Variants in AGMO observed in about 807,000 individuals in gnomAD.
AGMO encodes glyceryl-ether monooxygenase.
In AGMO, 75 loss-of-function variants were observed where a neutral mutation model predicts 60.2. The observed-to-expected ratio is 1.25, with a 90% CI of 1.03 to 1.51. The LOEUF (loss-of-function observed/expected upper bound fraction) is 1.51. AGMO is among the 40% of genes most tolerant of loss of function. AGMO has a pLI of 0.00. For synonymous variants in AGMO, 261 were observed against 177.1 expected (o/e 1.47, Z -3.76); for missense variants, 763 against 525.5 (o/e 1.45, Z -4.42).
chr7:15,454,077 C>G (rs1303325106), intron 3 of AGMO, among the ~76,000 whole-genome samples: 1 of 149,584 alleles, frequency 6.7e-6, no homozygotes, highest in Admixed American at 6.7e-5. Flanking sequence ...AACTTAATGA[C>G]ACATGTGGAA....
intron 3 of AGMO, among the ~76,000 whole-genome samples, chr7:15,453,202 A>G (rs1420632194): frequency 6.6e-6 from 1 of 152,206 alleles, no homozygotes; most frequent in East Asian, 1.9e-4. Flanking sequence ...GCACAGTTTA[A>G]GAAGGCAAAT....
chr7:15,420,906 G>A (rs1444400268), intron 4 of AGMO, among the ~76,000 whole-genome samples: 1 of 152,030 alleles, frequency 6.6e-6, no homozygotes, highest in Non-Finnish European at 1.5e-5. Flanking sequence ...TTATTGTCTT[G>A]TAGAAGTCAT....
chr7:15,475,624 T>G (rs899729974), intron 3 of AGMO, among the ~76,000 whole-genome samples: 3 of 151,874 alleles, frequency 2.0e-5, no homozygotes, highest in Admixed American at 2.0e-4. Context: ...CGCCATGGCA[T>G]GTGTATACCT....
At chr7:15,313,359 A>G (rs1780822736) in intron 12 of AGMO, among the ~76,000 whole-genome samples, 1 of 152,230 alleles carries the variant, frequency 6.6e-6, no homozygotes, top group African/African-American at 2.4e-5. Flanking sequence ...CAAATGAGGA[A>G]CTAGAACAGA....
At chr7:15,188,763 A>G in the AGMO span, among the ~76,000 whole-genome samples, 1 of 44,742 alleles carries the variant, frequency 2.2e-5, no homozygotes. Flanking sequence ...CAGTCTTTCA[A>G]AGACAGTGTG....
intron 3 of AGMO, among the ~76,000 whole-genome samples, chr7:15,437,084 T>C (rs1260081074): frequency 2.0e-5 from 3 of 152,132 alleles, no homozygotes; most frequent in Non-Finnish European, 4.4e-5. Context: ...TTGAGCTAAG[T>C]AAATGAAATA....
At chr7:15,417,679 T>G (rs1015194779) in intron 5 of AGMO, among the ~76,000 whole-genome samples, 4 of 152,208 alleles carry the variant, frequency 2.6e-5, no homozygotes, top group Non-Finnish European at 2.9e-5. Context: ...AAAGTCACGG[T>G]AACAGTCTCT....
the AGMO span, among the ~76,000 whole-genome samples, chr7:15,147,310 T>C: frequency 6.6e-6 from 1 of 152,184 alleles, no homozygotes; most frequent in African/African-American, 2.4e-5. Context: ...AGAGGTTTAA[T>C]GGACTCAGTT....
chr7:15,442,378 T>C (rs1376775335), intron 3 of AGMO, among the ~76,000 whole-genome samples: 1 of 152,160 alleles, frequency 6.6e-6, no homozygotes, highest in African/African-American at 2.4e-5. Flanking sequence ...TATCAGGTCT[T>C]GCTACAACAG....
At chr7:15,393,527 A>G (rs1442223910) in intron 6 of AGMO, among the ~76,000 whole-genome samples, 1 of 152,212 alleles carries the variant, frequency 6.6e-6, no homozygotes, top group Non-Finnish European at 1.5e-5. Context: ...TAATGATGAT[A>G]TGCACATTGC....
intron 12 of AGMO, among the ~76,000 whole-genome samples, chr7:15,274,696 T>TC (rs1491498215): frequency 1.9e-5 from 2 of 105,854 alleles, no homozygotes; most frequent in Non-Finnish European, 3.9e-5. Context: ...GGTGATGGGC[T>TC]TTTTTTTTTT....
chr7:15,492,118 T>C (rs1783082057), intron 3 of AGMO, among the ~76,000 whole-genome samples: 1 of 152,212 alleles, frequency 6.6e-6, no homozygotes, highest in African/African-American at 2.4e-5. Context: ...TCTTATTTGA[T>C]ACTCAGTCCA....
chr7:15,439,632 G>T (rs997734044), intron 3 of AGMO, among the ~76,000 whole-genome samples: 1 of 152,178 alleles, frequency 6.6e-6, no homozygotes, highest in Non-Finnish European at 1.5e-5. Context: ...ATTGTTTCTG[G>T]CCTTACACCC....
chr7:15,462,610 T>TAAAAAA, intron 3 of AGMO, among the ~76,000 whole-genome samples: 4 of 152,194 alleles, frequency 2.6e-5, no homozygotes, highest in Non-Finnish European at 4.4e-5. Flanking sequence ...TAGATCTATA[T>TAAAAAA]CTGCCCTAAA....
intron 12 of AGMO, among the ~76,000 whole-genome samples, chr7:15,334,802 C>A (rs1449810285): frequency 6.6e-6 from 1 of 152,174 alleles, no homozygotes; most frequent in African/African-American, 2.4e-5. Context: ...AGCTGAATTA[C>A]AACATACCCA....
chr7:15,376,111 C>T (rs1783440187), intron 10 of AGMO, among the ~76,000 whole-genome samples: 1 of 152,150 alleles, frequency 6.6e-6, no homozygotes, highest in African/African-American at 2.4e-5. Context: ...TGTTAATAGT[C>T]TTCCGTTACT....
intron 10 of AGMO, 84 bp from the exon 11 acceptor site, chr7:15,366,306 C>T (rs1782978456): frequency 1.1e-6 from 1 of 927,828 alleles, no homozygotes; most frequent in Non-Finnish European, 1.7e-6. Flanking sequence ...CAAAACAGCC[C>T]AAATTTTATG....
chr7:15,539,358 G>A (rs145108593), intron 3 of AGMO, among the ~76,000 whole-genome samples: 5 of 152,044 alleles, frequency 3.3e-5, no homozygotes, highest in Non-Finnish European at 4.4e-5. Context: ...ATGTGTTCTC[G>A]TTGTATAGCT....
chr7:15,396,768 G>A (rs1784407283), intron 5 of AGMO, among the ~76,000 whole-genome samples: 1 of 151,592 alleles, frequency 6.6e-6, no homozygotes, highest in East Asian at 1.9e-4. Context: ...AGAGCTGATT[G>A]GTCCATCTTA....
Sources: allele counts gnomAD v4.1 joint callset (sites outside exome capture counted in the v4.1 genomes callset), GRCh38; gene constraint gnomAD v4.1.1; transcripts MANE v1.5; gene names NCBI Gene and HGNC (gene_info 2026-07-23, HGNC 2026-07-21).